The following TMEM266 variants were observed in gnomAD, a reference collection of about 807,000 sequenced individuals.
TMEM266 encodes the protein transmembrane protein 266.
A neutral mutation model predicts 50.5 loss-of-function variants in TMEM266; 33 were observed. The ratio of observed to expected loss-of-function variants is 0.65; its 90% CI spans 0.50 to 0.87. TMEM266 has a LOEUF of 0.87. TMEM266 is among the 40% of genes least tolerant of loss of function. The pLI, the probability that TMEM266 is intolerant of heterozygous loss-of-function variation, is 0.00. For missense variants in TMEM266, 655 were observed against 695.1 expected (o/e 0.94, Z 0.65); for synonymous variants, 310 against 292.3 (o/e 1.06, Z -0.62).
At chr15:76,101,352 A>G (rs16967831) in intron 1 of TMEM266, among the ~76,000 whole-genome samples, 2,268 of 152,320 alleles carry the variant, frequency 0.015, 39 homozygotes, top group Non-Finnish European at 0.019. Context: ...TTAAAACCCA[A>G]TGGAAGAAAG....
In TMEM266 at chr15:76,204,914, C is replaced by G. The variant is rs2038815088; in HGVS notation, c.*599C>G. 1.3e-5 allele frequency: 2 copies of G among 152,686 alleles called. No homozygotes were observed. Among genetic ancestry groups the G allele is most frequent in the African/African-American group, 4.8e-5 (2 of 41,440 alleles). 9.5% of individuals were successfully genotyped at this position (152,686 alleles called of 1,614,324 possible). A position where few individuals can be genotyped will look rare whatever the true frequency, so the allele number is the denominator to read the frequency against. Reference sequence around the variant, plus strand: ...GGGAGGGTCCTAGAGGGCAGGGGAACAACCATTTTCCAACCTTGGCTTTAA... The same window carrying G: ...GGGAGGGTCCTAGAGGGCAGGGGAAGAACCATTTTCCAACCTTGGCTTTAA... On this transcript the variant is annotated 3_prime_UTR_variant, in exon 11 of 11. Coordinates refer to ENST00000388942, the MANE Select transcript of TMEM266 (RefSeq NM_152335.3).
intron 1 of TMEM266, among the ~76,000 whole-genome samples, chr15:76,062,890 G>T (rs1263342541): frequency 6.6e-6 from 1 of 152,180 alleles, no homozygotes; most frequent in African/African-American, 2.4e-5. Flanking sequence ...TTTTGGGAGA[G>T]TGGGGGAAAA....
intron 1 of TMEM266, among the ~76,000 whole-genome samples, chr15:76,125,471 A>G (rs1243756944): frequency 6.6e-6 from 1 of 151,938 alleles, no homozygotes; most frequent in Non-Finnish European, 1.5e-5. Context: ...AGGAACCCAT[A>G]CAACTCAATA....
chr15:76,138,457 TC>T (rs2037626744), intron 3 of TMEM266, among the ~76,000 whole-genome samples: 1 of 152,072 alleles, frequency 6.6e-6, no homozygotes, highest in South Asian at 2.1e-4. Flanking sequence ...ACCGAGGCAC[TC>T]CTTAATGACC....
In TMEM266 at chr15:76,161,285, C is replaced by T. The variant is rs904479818; in HGVS notation, c.456+1117C>T. 1.3e-5 allele frequency among the ~76,000 whole-genome samples: 2 copies of T among 152,154 alleles called. No homozygotes were observed. Among genetic ancestry groups the T allele is most frequent in the Admixed American group, 6.5e-5 (1 of 15,286 alleles). On this transcript the variant is annotated intron_variant, in intron 5 of 10. Coordinates refer to ENST00000388942, the MANE Select transcript of TMEM266 (RefSeq NM_152335.3). The surrounding 1 kb of genome is among the most constrained non-coding windows in gnomAD (Gnocchi z 4.1). ...GGAACATACGCACATCTCACACCAA[C>T]GGGAGCTGCTCTACCTGAGGCACAG...
chr15:76,167,369 C>A (rs922308700), intron 5 of TMEM266, among the ~76,000 whole-genome samples: 2 of 149,242 alleles, frequency 1.3e-5, no homozygotes, highest in Non-Finnish European at 3.0e-5. Flanking sequence ...ACTCGGGAGG[C>A]TGAGGCAGGA....
intron 9 of TMEM266, among the ~76,000 whole-genome samples, chr15:76,196,591 C>T (rs1014340324): frequency 6.6e-6 from 1 of 152,216 alleles, no homozygotes; most frequent in Non-Finnish European, 1.5e-5. Flanking sequence ...CTGTGACCTT[C>T]AGGCCAGCGA....
chr15:76,080,236 A>G (rs1015065390), intron 1 of TMEM266, among the ~76,000 whole-genome samples: 18 of 82,070 alleles, frequency 2.2e-4, no homozygotes, highest in Non-Finnish European at 7.7e-5. Context: ...GCATGGTGGC[A>G]GGTGCCCGTA....
chr15:76,192,330 C>CA (rs1007802010), intron 9 of TMEM266, among the ~76,000 whole-genome samples, 173 bp downstream of exon 9: 9 of 151,864 alleles, frequency 5.9e-5, no homozygotes, highest in African/African-American at 2.2e-4. Flanking sequence ...TACTGCCTGT[C>CA]AGAGCCCAGG....
chr15:76,106,336 C>T (rs1053129072), intron 1 of TMEM266, among the ~76,000 whole-genome samples: 4 of 152,226 alleles, frequency 2.6e-5, no homozygotes, highest in Admixed American at 2.6e-4. Flanking sequence ...ATCTGATTTC[C>T]CCCATCCTTT....
chr15:76,177,584 C>T (rs1375248304), intron 8 of TMEM266, among the ~76,000 whole-genome samples: 4 of 152,246 alleles, frequency 2.6e-5, no homozygotes, highest in South Asian at 4.1e-4. Flanking sequence ...AATGCCTATG[C>T]GTGACAAGAG....
At chr15:76,079,168 C>T (rs1265555110) in intron 1 of TMEM266, among the ~76,000 whole-genome samples, 1 of 152,146 alleles carries the variant, frequency 6.6e-6, no homozygotes, top group Non-Finnish European at 1.5e-5. Flanking sequence ...GCCTGGCCAA[C>T]ATGGTAAAAA....
intron 1 of TMEM266, among the ~76,000 whole-genome samples, chr15:76,115,418 C>G (rs2037232038): frequency 6.6e-6 from 1 of 152,198 alleles, no homozygotes; most frequent in Non-Finnish European, 1.5e-5. Context: ...AAATCAAAAC[C>G]TTGGTCTCTC....
chr15:76,134,825 C>T (rs781007857), intron 2 of TMEM266, among the ~76,000 whole-genome samples: 2 of 152,172 alleles, frequency 1.3e-5, no homozygotes, highest in African/African-American at 2.4e-5. Context: ...AACCATAGAA[C>T]CTTAGTAGAA....
chr15:76,167,424 C>G (rs908260100), intron 5 of TMEM266, among the ~76,000 whole-genome samples: 1 of 146,150 alleles, frequency 6.8e-6, no homozygotes, highest in African/African-American at 2.5e-5. Flanking sequence ...GAGCCAAGAT[C>G]GTGCCACTGC....
chr15:76,070,438 A>C (rs2141983468), intron 1 of TMEM266, among the ~76,000 whole-genome samples: 1 of 152,334 alleles, frequency 6.6e-6, no homozygotes, highest in Admixed American at 6.5e-5. Context: ...TGGCCTCTAG[A>C]ATAGAGGGAG....
At chr15:76,170,942 TC>T in intron 6 of TMEM266, 50 bp from the exon 7 acceptor site, 1 of 1,570,728 alleles carries the variant, frequency 6.4e-7, no homozygotes, top group Non-Finnish European at 8.7e-7. Context: ...TGACCCCTGG[TC>T]CCGGACACAC....
intron 4 of TMEM266, among the ~76,000 whole-genome samples, chr15:76,157,749 G>A (rs899146886): frequency 1.3e-5 from 2 of 152,346 alleles, no homozygotes; most frequent in East Asian, 1.9e-4. Context: ...CATTTGGGGA[G>A]GCCAAGGTGG....
intron 1 of TMEM266, among the ~76,000 whole-genome samples, chr15:76,130,638 C>T (rs1243390987): frequency 1.3e-5 from 2 of 152,200 alleles, no homozygotes; most frequent in African/African-American, 2.4e-5. Flanking sequence ...TATTGAAATA[C>T]AGGTGAATGA....
Sources: allele counts gnomAD v4.1 joint callset (sites outside exome capture counted in the v4.1 genomes callset), GRCh38; gene constraint gnomAD v4.1.1; non-coding constraint Gnocchi (gnomAD v3.1); transcripts MANE v1.5; gene names NCBI Gene and HGNC (gene_info 2026-07-23, HGNC 2026-07-21).